The following PEAK1 variants were observed in gnomAD, a reference collection of about 807,000 sequenced individuals.
The protein encoded by PEAK1 is pseudopodium enriched atypical kinase 1.
In PEAK1, 54 loss-of-function variants were observed where a neutral mutation model predicts 124.7. That is an observed-to-expected ratio of 0.43 (90% CI 0.35 to 0.54). PEAK1 has a LOEUF of 0.54. Ranked by LOEUF, PEAK1 falls within the 20% of genes least tolerant of loss-of-function variation. PEAK1 has a pLI of 0.01. For synonymous variants in PEAK1, 719 were observed against 760.0 expected, an observed-to-expected ratio of 0.95 and a Z score of 0.89; for missense variants, 2,046 against 2,134.5, an observed-to-expected ratio of 0.96 and a Z score of 0.82.
chr15:77,404,446 T>C (rs771571599), intron 1 of PEAK1: 16 of 619,914 alleles, frequency 2.6e-5, no homozygotes, highest in Non-Finnish European at 3.2e-5. Context: ...AAAAATAGAA[T>C]GTAAAATATC....
At chr15:77,236,511 G>A (rs1398457520) in intron 6 of PEAK1, among the ~76,000 whole-genome samples, 1 of 152,158 alleles carries the variant, frequency 6.6e-6, no homozygotes, top group Admixed American at 6.5e-5. Context: ...ATTGTAACTT[G>A]GAAGGAACTA....
At chr15:77,219,471 T>A (rs1311813489) in intron 6 of PEAK1, among the ~76,000 whole-genome samples, 1 of 152,158 alleles carries the variant, frequency 6.6e-6, no homozygotes, top group Non-Finnish European at 1.5e-5. Context: ...GACAATTACA[T>A]ACTGTGATCA....
chr15:77,338,642 A>ATAT (rs1254103682), intron 2 of PEAK1, among the ~76,000 whole-genome samples: 10 of 142,122 alleles, frequency 7.0e-5, no homozygotes, highest in East Asian at 2.0e-4. Flanking sequence ...TTTAAAAAAA[A>ATAT]AAATATATAT....
intron 2 of PEAK1, among the ~76,000 whole-genome samples, chr15:77,364,174 G>A (rs2068074221): frequency 6.6e-6 from 1 of 152,140 alleles, no homozygotes; most frequent in African/African-American, 2.4e-5. Flanking sequence ...ACTCCAGCTT[G>A]GGCGAAAGAG....
intron 6 of PEAK1, among the ~76,000 whole-genome samples, chr15:77,225,355 T>C (rs1388164858): frequency 1.3e-5 from 2 of 151,970 alleles, no homozygotes; most frequent in Non-Finnish European, 2.9e-5. Flanking sequence ...TACATTTCAT[T>C]TGTATGTTCA....
At chr15:77,238,724 T>C (rs1323028955) in intron 6 of PEAK1, among the ~76,000 whole-genome samples, 5 of 152,212 alleles carry the variant, frequency 3.3e-5, no homozygotes, top group South Asian at 4.2e-4. Flanking sequence ...GTTCTAGGGG[T>C]TTCCTATCTG....
chr15:77,273,380 C>A (rs533019660), intron 5 of PEAK1, among the ~76,000 whole-genome samples: 4 of 152,218 alleles, frequency 2.6e-5, no homozygotes, highest in African/African-American at 9.6e-5. Context: ...AAGACTCATC[C>A]AAAAAGCTCC....
intron 6 of PEAK1, chr15:77,204,686 C>G (rs1446852793): frequency 1.3e-5 from 2 of 152,590 alleles, no homozygotes; most frequent in Admixed American, 1.3e-4. Context: ...AGGTGAATCA[C>G]AAGGTCAGGA....
At chr15:77,151,199 A>G (rs62008365) in intron 8 of PEAK1, among the ~76,000 whole-genome samples, 2 of 151,036 alleles carry the variant, frequency 1.3e-5, no homozygotes, top group African/African-American at 4.9e-5. Flanking sequence ...TTTAATGATC[A>G]CCATTCTAAC....
At chr15:77,286,399 A>C in intron 3 of PEAK1, 24 bp downstream of exon 3, 1 of 1,133,580 alleles carries the variant, frequency 8.8e-7, no homozygotes, top group Non-Finnish European at 1.1e-6. Flanking sequence ...AACATGTTAC[A>C]TTATGGAAAG....
chr15:77,420,517 C>G (rs1267324150), upstream of PEAK1: 2 of 191,212 alleles, frequency 1.0e-5, no homozygotes, highest in Non-Finnish European at 2.1e-5. Context: ...ATTTGGGCGT[C>G]GGGGCCCGCT....
At chr15:77,146,465 T>C in intron 8 of PEAK1, among the ~76,000 whole-genome samples, 1 of 152,204 alleles carries the variant, frequency 6.6e-6, no homozygotes, top group Middle Eastern at 3.2e-3. Flanking sequence ...TCCTCATTAG[T>C]GGAAACCTCT....
chr15:77,402,263 G>A, intron 1 of PEAK1: 1 of 984,232 alleles, frequency 1.0e-6, no homozygotes, highest in Non-Finnish European at 1.2e-6. Context: ...GAAACAAGCA[G>A]AAGGTTTTCA....
Position 77,377,623 on chromosome 15 carries a change from T to C in PEAK1, c.-665-12398A>G, listed in dbSNP as rs532356577. ...TAGCTGGGACTACAGGTGTGCACCA[T>C]CACATCCGGCTAATTTTTGTATTTT... On this transcript the variant is annotated intron_variant, in intron 1 of 9. Coordinates refer to ENST00000682557, the MANE Select transcript of PEAK1 (RefSeq NM_001385026.1). 2.1e-3 allele frequency among the ~76,000 whole-genome samples: 313 copies of C among 151,980 alleles called. 5 individuals are homozygous for C. Among genetic ancestry groups the C allele is most frequent in the Non-Finnish European group, 2.1e-3 (140 of 67,920 alleles).
At position 77,131,301 on chromosome 15, in the gene PEAK1, T is replaced by TA. The variant is rs566151502; in HGVS notation, c.4077+1703_4077+1704insT. ...ACGAGGTCAAGAGATTGAGACCATC[T>TA]GGCCAACACGGTGAAACCCCGTGTC... On this transcript the variant is annotated intron_variant, in intron 9 of 9. Coordinates refer to ENST00000682557, the MANE Select transcript of PEAK1 (RefSeq NM_001385026.1). Among the ~76,000 whole-genome samples, 719 of 152,236 alleles carry TA rather than the reference T, an allele frequency of 4.7e-3. 4 individuals carry two copies. The highest frequency in any genetic ancestry group is 0.016 in the African/African-American group (665 of 41,534).
chr15:77,301,627 A>G (rs534100985), intron 2 of PEAK1, among the ~76,000 whole-genome samples: 96 of 152,292 alleles, frequency 6.3e-4, no homozygotes, highest in African/African-American at 2.2e-3. Flanking sequence ...CATTTTCATC[A>G]TATCATATCA....
chr15:77,141,181 T>A (rs944212073), intron 8 of PEAK1, among the ~76,000 whole-genome samples: 4 of 152,136 alleles, frequency 2.6e-5, no homozygotes, highest in African/African-American at 7.2e-5. Context: ...AGAATGAATA[T>A]ACCAGTTCAG....
intron 8 of PEAK1, 95 bp downstream of exon 8, chr15:77,158,408 G>A: frequency 8.5e-7 from 1 of 1,172,362 alleles, no homozygotes; most frequent in Non-Finnish European, 1.2e-6. Context: ...CTGCTTCATG[G>A]AGCAATAAAA....
intron 6 of PEAK1, among the ~76,000 whole-genome samples, chr15:77,235,664 G>A (rs1169668477): frequency 6.6e-6 from 1 of 152,194 alleles, no homozygotes; most frequent in East Asian, 1.9e-4. Context: ...ATAAGTAATG[G>A]GCAGCTGAAT....
Sources: gnomAD v4.1 joint callset for allele counts (sites outside exome capture counted in the v4.1 genomes callset) on GRCh38, gnomAD v4.1.1 for gene constraint, MANE v1.5 for transcripts, NCBI Gene and HGNC (gene_info 2026-07-23, HGNC 2026-07-21) for gene names.